The following NR3C2 variants were observed in gnomAD, a reference collection of about 807,000 sequenced individuals.
NR3C2 encodes the protein nuclear receptor subfamily 3 group C member 2.
NR3C2 carries 15 observed loss-of-function variants against 86.4 expected under a neutral mutation model. The ratio of observed to expected loss-of-function variants is 0.17; its 90% CI spans 0.12 to 0.27. The LOEUF (loss-of-function observed/expected upper bound fraction) is 0.27, where lower values mean the gene tolerates loss of function less well. Ranked by LOEUF, NR3C2 falls within the 10% of genes least tolerant of loss-of-function variation. The pLI is 1.00. For synonymous variants in NR3C2, 458 were observed against 450.5 expected (o/e 1.02, Z -0.21); for missense variants, 960 against 1,195.6 (o/e 0.80, Z 2.91).
chr4:148,265,438 T>C (rs545394794), intron 2 of NR3C2, among the ~76,000 whole-genome samples: 1 of 152,320 alleles, frequency 6.6e-6, no homozygotes, highest in African/African-American at 2.4e-5. Context: ...AGAAATTGGC[T>C]CATTGAGAAT....
At chr4:148,399,986 C>T (rs1216894484) in intron 2 of NR3C2, among the ~76,000 whole-genome samples, 1 of 152,176 alleles carries the variant, frequency 6.6e-6, no homozygotes, top group Non-Finnish European at 1.5e-5. Flanking sequence ...ATTTAGAATG[C>T]AGCTTCTTTC....
At position 148,436,155 on chromosome 4, in the gene NR3C2, T is replaced by A; in HGVS notation, c.706A>T (p.Thr236Ser). ...CGATTTTCAACATTAGGGGAGCATG[T>A]CAGAGGAGTTCCCTGGGTGATTGGG... is the stretch of plus-strand genomic sequence containing the variant. ...HSPITQGTPL[T>S]CSPNVENRGS... Residue 236 changes from threonine (T) to serine (S), a missense_variant, in exon 2 of 9, where the codon ACA (threonine) becomes TCA (serine). Thr to Ser is a moderately conservative substitution (Grantham distance 58). Transcript: ENST00000358102. 6.2e-7 allele frequency: 1 copy of A among 1,614,138 alleles called. No homozygotes were observed. Among genetic ancestry groups the A allele is most frequent in the Non-Finnish European group, 8.5e-7 (1 of 1,180,018 alleles).
chr4:148,182,623 A>C (rs1254362963), intron 4 of NR3C2, among the ~76,000 whole-genome samples: 1 of 152,228 alleles, frequency 6.6e-6, no homozygotes, highest in Non-Finnish European at 1.5e-5. Context: ...TGTATCACAT[A>C]CCGTGCCAAA....
chr4:148,398,460 G>A (rs1034799365), intron 2 of NR3C2, among the ~76,000 whole-genome samples: 4 of 152,122 alleles, frequency 2.6e-5, no homozygotes, highest in Non-Finnish European at 4.4e-5. Flanking sequence ...TGAAACCACT[G>A]GGGTGTAATT....
intron 2 of NR3C2, among the ~76,000 whole-genome samples, chr4:148,334,610 T>C (rs1744391827): frequency 6.6e-6 from 1 of 152,190 alleles, no homozygotes; most frequent in Non-Finnish European, 1.5e-5. Context: ...CTGGCATTGA[T>C]GTGGCCATAA....
rs75818363 is a variant in NR3C2, at chr4:148,227,518, T to C, written c.1897+32460A>G. ...TTCAAGACTAGGCAAATATTCTGCT[T>C]CTTATATTTTCACCTACTAATTTAG... is the stretch of plus-strand genomic sequence containing the variant. On this transcript the variant is annotated intron_variant, in intron 3 of 8. Coordinates refer to ENST00000358102, the MANE Select transcript of NR3C2 (RefSeq NM_000901.5). Among the ~76,000 whole-genome samples, 1,154 of 152,302 alleles carry C rather than the reference T, an allele frequency of 7.6e-3. 10 individuals are homozygous for C. Among genetic ancestry groups the C allele is most frequent in the African/African-American group, 0.025 (1,029 of 41,562 alleles).
chr4:148,307,905 T>G (rs1742714581), intron 2 of NR3C2, among the ~76,000 whole-genome samples: 1 of 138,374 alleles, frequency 7.2e-6, no homozygotes. Context: ...AGAAAAAAAG[T>G]TAATACTGAG....
At chr4:148,110,673 C>A (rs1417235119) in intron 8 of NR3C2, among the ~76,000 whole-genome samples, 1 of 152,100 alleles carries the variant, frequency 6.6e-6, no homozygotes, top group Non-Finnish European at 1.5e-5. Context: ...TTCTGTCAGG[C>A]CCCCTTTAAG....
At chr4:148,155,504 C>T (rs1260153727) in intron 4 of NR3C2, among the ~76,000 whole-genome samples, 1 of 152,062 alleles carries the variant, frequency 6.6e-6, no homozygotes, top group Non-Finnish European at 1.5e-5. Context: ...GAGTGAACTC[C>T]CATTCACAAT....
intron 3 of NR3C2, among the ~76,000 whole-genome samples, chr4:148,245,268 T>C (rs61758920): frequency 2.0e-5 from 3 of 152,156 alleles, no homozygotes; most frequent in Non-Finnish European, 4.4e-5. Context: ...CTGAAGCATC[T>C]TGATAAGCTA....
intron 8 of NR3C2, among the ~76,000 whole-genome samples, chr4:148,096,950 G>A (rs1322716989): frequency 6.6e-6 from 1 of 152,090 alleles, no homozygotes; most frequent in Non-Finnish European, 1.5e-5. Context: ...TGAACGAACA[G>A]GTTTTGTTTG....
chr4:148,156,683 A>G (rs1310888600), intron 4 of NR3C2, among the ~76,000 whole-genome samples: 4 of 130,812 alleles, frequency 3.1e-5, no homozygotes, highest in Non-Finnish European at 7.1e-5. Flanking sequence ...GTGGAGAAAT[A>G]GGAACACTTT....
intron 2 of NR3C2, among the ~76,000 whole-genome samples, chr4:148,365,498 C>T (rs947148003): frequency 2.0e-5 from 3 of 152,180 alleles, no homozygotes; most frequent in East Asian, 1.9e-4. Context: ...ATAAAGTCTA[C>T]GTAACCCTTA....
At position 148,145,456 on chromosome 4, in the gene NR3C2, C is replaced by G. The variant is rs1266516087; in HGVS notation, c.2510+7013G>C. 3.3e-5 allele frequency among the ~76,000 whole-genome samples: 5 copies of G among 152,200 alleles called. No homozygotes were observed. The East Asian group carries it at 9.6e-4, about 29-fold the overall frequency. ...ATCTCCCAAGTCACAGAGAGAGTAA[C>G]CCCTCTTCCAAGGTTACTTTACTTC... On this transcript the variant is annotated intron_variant, in intron 6 of 8. Coordinates refer to ENST00000358102, the MANE Select transcript of NR3C2 (RefSeq NM_000901.5).
intron 3 of NR3C2, among the ~76,000 whole-genome samples, chr4:148,203,580 A>G (rs1197807587): frequency 2.0e-5 from 3 of 151,940 alleles, no homozygotes; most frequent in Admixed American, 6.6e-5. Context: ...ACAACCTGGG[A>G]AACAGATTAG....
intron 3 of NR3C2, among the ~76,000 whole-genome samples, chr4:148,250,066 G>A (rs1739502258): frequency 6.6e-6 from 1 of 152,178 alleles, no homozygotes; most frequent in African/African-American, 2.4e-5. Flanking sequence ...TCAGAACAGT[G>A]CCGAGTGTCT....
chr4:148,292,152 T>C (rs1741827238), intron 2 of NR3C2, among the ~76,000 whole-genome samples: 1 of 152,020 alleles, frequency 6.6e-6, no homozygotes, highest in Non-Finnish European at 1.5e-5. Flanking sequence ...AATACTTTCC[T>C]ATTATGTCTT....
upstream of NR3C2, among the ~76,000 whole-genome samples, chr4:148,445,181 T>A (rs1179357793): frequency 6.6e-6 from 1 of 151,746 alleles, no homozygotes; most frequent in Non-Finnish European, 1.5e-5. Flanking sequence ...CCCGCAGCCC[T>A]CCAAAGTCCG....
chr4:148,438,031 G>A (rs559540806), intron 1 of NR3C2, among the ~76,000 whole-genome samples: 6 of 152,272 alleles, frequency 3.9e-5, no homozygotes, highest in African/African-American at 1.2e-4. Context: ...AACCCTGAAT[G>A]ACTGATAAAA....
Sources: gnomAD v4.1 joint callset for allele counts (sites outside exome capture counted in the v4.1 genomes callset) on GRCh38, gnomAD v4.1.1 for gene constraint, MANE v1.5 for transcripts, NCBI Gene and HGNC (gene_info 2026-07-23, HGNC 2026-07-21) for gene names.